Variants in PARD3B observed in about 807,000 individuals in gnomAD.
PARD3B encodes the protein partitioning defective 3 homolog B.
PARD3B carries 103 observed loss-of-function variants against 130.2 expected under a neutral mutation model. The ratio of observed to expected loss-of-function variants is 0.79; its 90% CI spans 0.67 to 0.93. The LOEUF (loss-of-function observed/expected upper bound fraction) is 0.93, where lower values mean the gene tolerates loss of function less well. PARD3B is among the 40% of genes least tolerant of loss of function. The pLI is 0.00. For synonymous variants in PARD3B, 583 were observed against 553.2 expected, an observed-to-expected ratio of 1.05 and a Z score of -0.76; for missense variants, 1,609 against 1,499.2, an observed-to-expected ratio of 1.07 and a Z score of -1.21.
Position 205,067,095 on chromosome 2 carries a change from C to CTTTTTTTTTTTTTTTTT in PARD3B, c.504+19418_504+19434dup, listed in dbSNP as rs10672449. ...GCATCTTGCATCCACTTTTACTAGG[C>CTTTTTTTTTTTTTTTTT]TTTTTTTTTTTTTTTTTTTTTTTTT... On this transcript the variant is annotated intron_variant, in intron 4 of 22. Coordinates refer to ENST00000406610, the MANE Select transcript of PARD3B (RefSeq NM_001302769.2). 1.8e-3 allele frequency among the ~76,000 whole-genome samples: 108 copies of CTTTTTTTTTTTTTTTTT among 59,708 alleles called. 16 individuals are homozygous for CTTTTTTTTTTTTTTTTT. Among genetic ancestry groups the CTTTTTTTTTTTTTTTTT allele is most frequent in the Non-Finnish European group, 2.3e-3 (74 of 32,122 alleles). The allele number at this position is 59,708 out of a possible 152,430, so 39.2% of individuals were successfully genotyped here.
intron 2 of PARD3B, among the ~76,000 whole-genome samples, chr2:204,905,813 A>G (rs1239346631): frequency 5.9e-5 from 9 of 152,202 alleles, no homozygotes. Context: ...ACCACTTAAA[A>G]GGGTTAGTCG....
chr2:205,074,040 A>G (rs890192259), intron 4 of PARD3B, among the ~76,000 whole-genome samples: 1 of 152,178 alleles, frequency 6.6e-6, no homozygotes, highest in Non-Finnish European at 1.5e-5. Context: ...GACTAATCTT[A>G]GTGGACATTT....
chr2:205,553,372 G>A lies in PARD3B; in HGVS notation c.3229G>A (p.Gly1077Arg), dbSNP rs1366093492. 6.2e-7 allele frequency: 1 copy of A among 1,613,952 alleles called. No homozygotes were observed. Among genetic ancestry groups the A allele is most frequent in the Non-Finnish European group, 8.5e-7 (1 of 1,179,952 alleles). Residue 1077 changes from glycine (G) to arginine (R), a missense_variant, in exon 22 of 23, where the codon GGG (glycine) becomes AGG (arginine). Coordinates refer to ENST00000406610, the MANE Select transcript of PARD3B (RefSeq NM_001302769.2). Reference sequence around the variant, plus strand: ...GAATGCACACAACCTCCGCTTTGAAGGGATGGAGAGGCAGTACGCATCCTT... The same window carrying A: ...GAATGCACACAACCTCCGCTTTGAAAGGATGGAGAGGCAGTACGCATCCTT... ...DGNAHNLRFE[G>R]MERQYASLPR...
At chr2:204,970,160 G>A (rs1467006416) in intron 3 of PARD3B, among the ~76,000 whole-genome samples, 1 of 152,174 alleles carries the variant, frequency 6.6e-6, no homozygotes, top group East Asian at 1.9e-4. Context: ...CTGCCTTCAT[G>A]ATTAGTACCT....
Position 205,263,181 on chromosome 2 carries a change from T to G in PARD3B, c.2185+17359T>G, listed in dbSNP as rs900155932. Among the ~76,000 whole-genome samples the G allele has an allele frequency of 2.0e-5, 3 of 152,114 alleles. No homozygotes were observed. The highest frequency in any genetic ancestry group is 2.9e-5 in the Non-Finnish European group (2 of 67,982). ...CTGAATCTGTACCCAACTATTTATT[T>G]CAGAGCCTTGTTCTATTAGTTAATG... On this transcript the variant is annotated intron_variant, in intron 16 of 22. Coordinates refer to ENST00000406610, the MANE Select transcript of PARD3B (RefSeq NM_001302769.2). This position sits in a 1 kb window ranked among gnomAD's most constrained non-coding sequence, Gnocchi z 4.0.
chr2:204,921,008 T>C (rs2047656231), intron 2 of PARD3B, among the ~76,000 whole-genome samples: 1 of 152,232 alleles, frequency 6.6e-6, no homozygotes. Flanking sequence ...GAGAGAATGC[T>C]GCATTGAAAT....
intron 1 of PARD3B, among the ~76,000 whole-genome samples, chr2:204,592,611 T>C (rs1480834516): frequency 6.6e-6 from 1 of 152,248 alleles, no homozygotes; most frequent in African/African-American, 2.4e-5. Flanking sequence ...TTATAACAGC[T>C]TTATTGGTGT....
chr2:205,083,002 C>A (rs1372845110), intron 4 of PARD3B, among the ~76,000 whole-genome samples: 1 of 151,436 alleles, frequency 6.6e-6, no homozygotes, highest in East Asian at 1.9e-4. Context: ...TCACTGCAAC[C>A]TCTGCCTACT....
At chr2:205,524,168 G>C (rs551528083) in intron 21 of PARD3B, among the ~76,000 whole-genome samples, 71 of 152,134 alleles carry the variant, frequency 4.7e-4, no homozygotes, top group African/African-American at 1.6e-3. Context: ...ACATTTGTCA[G>C]GGTTTTGGTC....
chr2:204,792,678 C>T lies in PARD3B; in HGVS notation c.222+106396C>T, dbSNP rs144007112. Among the ~76,000 whole-genome samples the T allele has an allele frequency of 5.3e-5, 8 of 152,180 alleles. No individual in the cohort carries two copies. In the East Asian group the frequency reaches 1.2e-3, roughly 22 times the overall value. Reference sequence around the variant, plus strand: ...AACACCCCCACACCAAATACATGTACTTCAAATATTGTACCTAAAATAAAA... The same window carrying T: ...AACACCCCCACACCAAATACATGTATTTCAAATATTGTACCTAAAATAAAA... On this transcript the variant is annotated intron_variant, in intron 2 of 22. Coordinates refer to ENST00000406610, the MANE Select transcript of PARD3B (RefSeq NM_001302769.2).
In PARD3B at chr2:204,718,922, A is replaced by G. The variant is rs139552596; in HGVS notation, c.222+32640A>G. On this transcript the variant is annotated intron_variant, in intron 2 of 22. Coordinates refer to ENST00000406610, the MANE Select transcript of PARD3B (RefSeq NM_001302769.2). ...CACATATATGTATCGTTGCATTTTA[A>G]TCATGATTACTCCTGACATATTTAA... Among the ~76,000 whole-genome samples the G allele has an allele frequency of 8.5e-4, 130 of 152,296 alleles. No individual in the cohort carries two copies. In the East Asian group the frequency reaches 0.013, roughly 15 times the overall value.
intron 8 of PARD3B, among the ~76,000 whole-genome samples, chr2:205,123,384 G>A (rs1173439199): frequency 6.6e-6 from 1 of 152,146 alleles, no homozygotes; most frequent in Non-Finnish European, 1.5e-5. Context: ...AGTTTGAAAT[G>A]TGCATGATGA....
chr2:205,074,889 C>A (rs1479951330), intron 4 of PARD3B, among the ~76,000 whole-genome samples: 1 of 152,124 alleles, frequency 6.6e-6, no homozygotes, highest in Non-Finnish European at 1.5e-5. Flanking sequence ...TATTCTACAT[C>A]AAAATATAAT....
chr2:205,250,368 C>T (rs1273176481), intron 16 of PARD3B, among the ~76,000 whole-genome samples: 1 of 152,014 alleles, frequency 6.6e-6, no homozygotes, highest in Admixed American at 6.6e-5. Flanking sequence ...TGAGCTCTGA[C>T]ATATTAATTA....
Position 205,463,451 on chromosome 2 carries a change from A to C in PARD3B, c.3044+22779A>C, listed in dbSNP as rs1042027284. On this transcript the variant is annotated intron_variant, in intron 20 of 22. Transcript: ENST00000406610. This position sits in a 1 kb window ranked among gnomAD's most constrained non-coding sequence, Gnocchi z 4.8. Reference sequence around the variant, plus strand: ...ACATTAATTCTTTAAAAAAAAAAAAAAAAAAAAACCTGTCATTTAATTTTA... The same window carrying C: ...ACATTAATTCTTTAAAAAAAAAAAACAAAAAAAACCTGTCATTTAATTTTA... Among the ~76,000 whole-genome samples the C allele has an allele frequency of 6.6e-5, 10 of 152,204 alleles. No homozygotes were observed. The highest frequency in any genetic ancestry group is 5.8e-4 in the East Asian group (3 of 5,174).
chr2:204,612,273 G>A (rs186848046), intron 1 of PARD3B, among the ~76,000 whole-genome samples: 1 of 152,306 alleles, frequency 6.6e-6, no homozygotes, highest in East Asian at 1.9e-4. Context: ...AGATGAGATG[G>A]CAGCCTGGTT....
chr2:204,959,628 GA>G (rs1309244099), intron 2 of PARD3B, among the ~76,000 whole-genome samples: 2 of 152,116 alleles, frequency 1.3e-5, no homozygotes, highest in African/African-American at 2.4e-5. Flanking sequence ...TGTTCTTGTT[GA>G]CTTTCCTTTT....
At position 205,499,923 on chromosome 2, in the gene PARD3B, C is replaced by T; in HGVS notation, c.3072C>T (p.Asp1024=). 6.2e-7 allele frequency: 1 copy of T among 1,613,746 alleles called. No individual in the cohort carries two copies. Among genetic ancestry groups the T allele is most frequent in the Middle Eastern group, 1.7e-4 (1 of 6,056 alleles). The change falls in exon 21 of 23, where the codon GAC becomes GAT. Residue 1024 remains aspartate (D), a synonymous_variant. Transcript: ENST00000406610. ...DSGRPTGGST[D]RIQKLRKEYY... ...GCCGTCCTACGGGTGGAAGCACTGACCGTATCCAGAAGTTGCGGAAAGAGT... is the reference window on the plus strand; with the variant it reads ...GCCGTCCTACGGGTGGAAGCACTGATCGTATCCAGAAGTTGCGGAAAGAGT...
At chr2:204,554,173 G>A (rs1281432724) in intron 1 of PARD3B, among the ~76,000 whole-genome samples, 1 of 151,810 alleles carries the variant, frequency 6.6e-6, no homozygotes, top group African/African-American at 2.4e-5. Flanking sequence ...CTACGTCTTA[G>A]CACTACAGTA....
Sources: gnomAD v4.1 joint callset for allele counts (sites outside exome capture counted in the v4.1 genomes callset) on GRCh38, gnomAD v4.1.1 for gene constraint, Gnocchi (gnomAD v3.1) non-coding constraint, MANE v1.5 for transcripts, NCBI Gene and HGNC (gene_info 2026-07-23, HGNC 2026-07-21) for gene names.